The following PIK3C2G variants were observed in gnomAD, a reference collection of about 807,000 sequenced individuals.
The protein encoded by PIK3C2G is phosphatidylinositol 3-kinase C2 domain-containing subunit gamma.
PIK3C2G carries 168 observed loss-of-function variants against 181.1 expected under a neutral mutation model. The observed-to-expected ratio is 0.93, with a 90% CI of 0.82 to 1.05. The LOEUF (loss-of-function observed/expected upper bound fraction) is 1.05. Ranked by LOEUF, PIK3C2G falls within the 50% of genes least tolerant of loss-of-function variation. The pLI is 0.00. For missense variants in PIK3C2G, 1,869 were observed against 1,732.8 expected (o/e 1.08, Z -1.40); for synonymous variants, 573 against 592.2 (o/e 0.97, Z 0.47).
rs774965278 is a variant in PIK3C2G, at chr12:18,546,343, T to C, written c.3501T>C (p.Pro1167=). The C allele has an allele frequency of 1.9e-6, 3 of 1,594,436 alleles. No homozygotes were observed. The highest frequency in any genetic ancestry group is 2.6e-6 in the Non-Finnish European group (3 of 1,167,610). Reference sequence around the variant, plus strand: ...TTAAGATGCTGTATGCAGGACTGCCTGAGCTAAGTGGAATTCAAGACCTGA... The same window carrying C: ...TTAAGATGCTGTATGCAGGACTGCCCGAGCTAAGTGGAATTCAAGACCTGA... ...LLEMMLYAGL[P]ELSGIQDLKY... is the part of the protein sequence containing the mutation. Residue 1167 remains proline (P), a synonymous_variant, in exon 26 of 33, where the codon CCT becomes CCC. Transcript: ENST00000538779.
intron 24 of PIK3C2G, among the ~76,000 whole-genome samples, chr12:18,515,989 T>C (rs1426208750): frequency 6.6e-6 from 1 of 152,080 alleles, no homozygotes; most frequent in Non-Finnish European, 1.5e-5. Context: ...TTATACTAAA[T>C]ATATAAATGG....
chr12:18,261,755 A>G (rs943047601), intron 1 of PIK3C2G, among the ~76,000 whole-genome samples, 178 bp downstream of exon 1: 2 of 152,088 alleles, frequency 1.3e-5, no homozygotes, highest in Non-Finnish European at 2.9e-5. Context: ...CCAGCTTGTA[A>G]ATATTCCCCA....
At chr12:18,538,403 C>A in intron 25 of PIK3C2G, 91 bp downstream of exon 25, 1 of 1,065,542 alleles carries the variant, frequency 9.4e-7, no homozygotes, top group South Asian at 1.6e-5. Flanking sequence ...TTGGAGTTCC[C>A]CAAGGAGCTA....
In PIK3C2G at chr12:18,360,306, A is replaced by G. The variant is rs142795081; in HGVS notation, c.1626-2458A>G. 8.9e-3 allele frequency among the ~76,000 whole-genome samples: 1,359 copies of G among 152,180 alleles called. 16 individuals carry two copies. The highest frequency in any genetic ancestry group is 0.031 in the African/African-American group (1,291 of 41,522). Reference sequence around the variant, plus strand: ...CCTCCCACCACACTTTATGTTATTGATGTTAAAAATTACATCTTTTTATAT... The same window carrying G: ...CCTCCCACCACACTTTATGTTATTGGTGTTAAAAATTACATCTTTTTATAT... On this transcript the variant is annotated intron_variant, in intron 11 of 32. Coordinates refer to ENST00000538779, the MANE Select transcript of PIK3C2G (RefSeq NM_001288772.2).
At chr12:18,697,457 G>A in the PIK3C2G span, among the ~76,000 whole-genome samples, 1 of 152,008 alleles carries the variant, frequency 6.6e-6, no homozygotes, top group Non-Finnish European at 1.5e-5. Flanking sequence ...GAGTCTTAAT[G>A]TTTCTCATTT....
intron 21 of PIK3C2G, among the ~76,000 whole-genome samples, chr12:18,496,418 T>C (rs955617049): frequency 6.6e-6 from 1 of 152,192 alleles, no homozygotes; most frequent in Non-Finnish European, 1.5e-5. Context: ...AGTGATATGA[T>C]TGCTTTTAAG....
intron 31 of PIK3C2G, among the ~76,000 whole-genome samples, chr12:18,626,853 T>C (rs1173904882): frequency 1.3e-5 from 2 of 152,004 alleles, no homozygotes; most frequent in Non-Finnish European, 2.9e-5. Context: ...GATTCTTATA[T>C]GTTGTGTTGA....
chr12:18,267,768 G>T (rs11043989), intron 1 of PIK3C2G, among the ~76,000 whole-genome samples: 1 of 152,136 alleles, frequency 6.6e-6, no homozygotes, highest in East Asian at 1.9e-4. Flanking sequence ...TACGTATCTA[G>T]GTAATTCTAG....
At chr12:18,558,142 T>C (rs1048497236) in intron 26 of PIK3C2G, among the ~76,000 whole-genome samples, 1 of 152,110 alleles carries the variant, frequency 6.6e-6, no homozygotes, top group Non-Finnish European at 1.5e-5. Flanking sequence ...AGTATAATAC[T>C]GACACAGAGA....
chr12:18,657,106 A>C, the PIK3C2G span, among the ~76,000 whole-genome samples: 1 of 152,108 alleles, frequency 6.6e-6, no homozygotes, highest in Non-Finnish European at 1.5e-5. Context: ...ATTTTAACGA[A>C]CTCAAATCTC....
intron 16 of PIK3C2G, among the ~76,000 whole-genome samples, chr12:18,407,584 G>A (rs1441374213): frequency 1.3e-5 from 2 of 152,136 alleles, no homozygotes; most frequent in African/African-American, 4.8e-5. Context: ...TCTGGAGGTA[G>A]ATAATAGGCC....
At chr12:18,660,549 T>C in the PIK3C2G span, among the ~76,000 whole-genome samples, 1 of 151,984 alleles carries the variant, frequency 6.6e-6, no homozygotes, top group East Asian at 1.9e-4. Flanking sequence ...TAGAGGAAAT[T>C]AGAAAGTAAC....
Position 18,635,503 on chromosome 12 carries a change from G to A in PIK3C2G, c.4183-4926G>A, listed in dbSNP as rs117717041. ...CGGCGACATGGTGGCCCACGGTTGAGCATTCAGTCACCACTAAGGCCTAGT... is the reference window on the plus strand; with the variant it reads ...CGGCGACATGGTGGCCCACGGTTGAACATTCAGTCACCACTAAGGCCTAGT... On this transcript the variant is annotated intron_variant, in intron 31 of 32. Transcript: ENST00000538779. Among the ~76,000 whole-genome samples the A allele has an allele frequency of 1.2e-4, 19 of 152,306 alleles. No individual in the cohort carries two copies. In the East Asian group the frequency reaches 3.7e-3, roughly 29 times the overall value.
At chr12:18,551,966 C>T (rs114481845) in intron 26 of PIK3C2G, among the ~76,000 whole-genome samples, 1,756 of 152,152 alleles carry the variant, frequency 0.012, 33 homozygotes, top group African/African-American at 0.04. Context: ...CAGTGGATTT[C>T]GTTGCCCAGC....
At chr12:18,512,538 C>T (rs1267081866) in intron 24 of PIK3C2G, among the ~76,000 whole-genome samples, 1 of 151,582 alleles carries the variant, frequency 6.6e-6, no homozygotes, top group Non-Finnish European at 1.5e-5. Flanking sequence ...AAATTTGCAC[C>T]TAAGTATTTG....
At chr12:18,395,581 A>T (rs1167153144) in intron 15 of PIK3C2G, among the ~76,000 whole-genome samples, 1 of 149,522 alleles carries the variant, frequency 6.7e-6, no homozygotes, top group Non-Finnish European at 1.5e-5. Flanking sequence ...AAGAAATGAA[A>T]AATACCCCAA....
At chr12:18,598,284 CT>C (rs1947491504) in intron 30 of PIK3C2G, among the ~76,000 whole-genome samples, 1 of 151,840 alleles carries the variant, frequency 6.6e-6, no homozygotes, top group Admixed American at 6.6e-5. Flanking sequence ...CAGCATGGTA[CT>C]GGTACCAAAA....
chr12:18,313,832 A>G, intron 5 of PIK3C2G, 130 bp from the exon 6 acceptor site: 4 of 587,094 alleles, frequency 6.8e-6, no homozygotes, highest in Non-Finnish European at 6.0e-6. Flanking sequence ...ACACACACGC[A>G]CACACACGCA....
intron 24 of PIK3C2G, among the ~76,000 whole-genome samples, chr12:18,518,899 T>C (rs538242432): frequency 1.6e-4 from 25 of 152,334 alleles, no homozygotes; most frequent in African/African-American, 5.5e-4. Flanking sequence ...TTAACACTGC[T>C]TTAGCTGTGT....
Sources: allele counts gnomAD v4.1 joint callset (sites outside exome capture counted in the v4.1 genomes callset), GRCh38; gene constraint gnomAD v4.1.1; transcripts MANE v1.5; gene names NCBI Gene and HGNC (gene_info 2026-07-23, HGNC 2026-07-21).